The following LMBRD1 variants were observed in gnomAD, a reference collection of about 807,000 sequenced individuals.
The protein encoded by LMBRD1 is lysosomal cobalamin transport escort protein LMBD1.
LMBRD1 carries 64 observed loss-of-function variants against 74.8 expected under a neutral mutation model. The observed-to-expected ratio is 0.86, with a 90% confidence interval of 0.70 to 1.05. The LOEUF (loss-of-function observed/expected upper bound fraction) is 1.05. Among genes scored for constraint, LMBRD1 ranks in the 50% least tolerant of loss-of-function variants. The pLI is 0.00. For missense variants in LMBRD1, 652 were observed against 645.9 expected (o/e 1.01, Z -0.10); for synonymous variants, 204 against 216.3 (o/e 0.94, Z 0.50).
At chr6:69,735,236 G>A (rs1229191603) in intron 7 of LMBRD1, among the ~76,000 whole-genome samples, 1 of 152,134 alleles carries the variant, frequency 6.6e-6, no homozygotes, top group Non-Finnish European at 1.5e-5. Flanking sequence ...TCCAACTGCA[G>A]GGTGCACTCA....
At chr6:69,714,453 T>C (rs866184650) in intron 8 of LMBRD1, among the ~76,000 whole-genome samples, 1 of 152,252 alleles carries the variant, frequency 6.6e-6, no homozygotes, top group South Asian at 2.1e-4. Context: ...TCATATCTCA[T>C]AGATACACTT....
intron 8 of LMBRD1, 71 bp downstream of exon 8, chr6:69,718,885 A>G (rs1292725206): frequency 2.6e-6 from 4 of 1,524,640 alleles, no homozygotes; most frequent in Non-Finnish European, 3.6e-6. Context: ...ACAATGTCTA[A>G]GTCATATCAG....
intron 3 of LMBRD1, among the ~76,000 whole-genome samples, chr6:69,774,999 G>GGAAGGAAGAA: frequency 1.7e-5 from 1 of 59,564 alleles, no homozygotes; most frequent in Non-Finnish European, 3.4e-5. Flanking sequence ...GGGAGGGAGG[G>GGAAGGAAGAA]AGGGAGGGAG....
chr6:69,792,861 C>T (rs1766116408), intron 1 of LMBRD1, among the ~76,000 whole-genome samples: 1 of 152,168 alleles, frequency 6.6e-6, no homozygotes, highest in Admixed American at 6.5e-5. Context: ...ATCAGGCAGA[C>T]AAGCTAGGAA....
At chr6:69,740,594 T>C (rs1211767758) in intron 6 of LMBRD1, among the ~76,000 whole-genome samples, 2 of 152,134 alleles carry the variant, frequency 1.3e-5, no homozygotes, top group African/African-American at 4.8e-5. Context: ...ATTTACAACA[T>C]GAGATCTTAA....
intron 3 of LMBRD1, among the ~76,000 whole-genome samples, chr6:69,770,662 A>AC (rs1489948085): frequency 6.6e-6 from 1 of 152,216 alleles, no homozygotes; most frequent in Non-Finnish European, 1.5e-5. Flanking sequence ...ATATTTGAGT[A>AC]CCTACTATGT....
At chr6:69,746,436 G>T in intron 5 of LMBRD1, 1 of 157,462 alleles carries the variant, frequency 6.4e-6, no homozygotes, top group South Asian at 2.0e-4. Context: ...GGGATACTGT[G>T]GTGTGACAGC....
In LMBRD1 at chr6:69,796,919, TG is replaced by T. The variant is rs754731939; in HGVS notation, c.-39del. On this transcript the variant is annotated 5_prime_UTR_variant, in exon 1 of 16. Transcript: ENST00000649934. ...TCCAGACCAACCTGAGCGCCCGGGG[TG>T]GGGAAAGGGGAGGGGGAAAGGGGAG... 6.4e-7 allele frequency: 1 copy of T among 1,573,648 alleles called. No homozygotes were observed.
intron 14 of LMBRD1, among the ~76,000 whole-genome samples, chr6:69,678,512 T>C (rs1481663878): frequency 1.3e-5 from 2 of 152,154 alleles, no homozygotes; most frequent in Non-Finnish European, 2.9e-5. Context: ...TAATTGAGTG[T>C]AAAATTATAT....
chr6:69,777,797 G>A (rs183900531), intron 3 of LMBRD1, among the ~76,000 whole-genome samples: 1 of 152,312 alleles, frequency 6.6e-6, no homozygotes, highest in East Asian at 1.9e-4. Context: ...TATATTAAGA[G>A]GGATAGGAAG....
intron 14 of LMBRD1, among the ~76,000 whole-genome samples, chr6:69,690,491 A>G (rs768859188): frequency 1.3e-5 from 2 of 152,214 alleles, no homozygotes; most frequent in South Asian, 2.1e-4. Context: ...GTAAGATTCC[A>G]TATGAAATAT....
intron 13 of LMBRD1, among the ~76,000 whole-genome samples, chr6:69,698,046 G>A (rs913559726): frequency 3.9e-5 from 6 of 151,956 alleles, no homozygotes; most frequent in African/African-American, 1.4e-4. Context: ...TAGGTGAAGG[G>A]GATGAGGCAA....
chr6:69,693,689 G>C (rs1245542628), intron 14 of LMBRD1, among the ~76,000 whole-genome samples: 1 of 151,860 alleles, frequency 6.6e-6, no homozygotes, highest in Admixed American at 6.6e-5. Context: ...ATGTTGTAAA[G>C]AATAGTGTAT....
intron 3 of LMBRD1, among the ~76,000 whole-genome samples, chr6:69,760,324 C>T (rs984599563): frequency 6.6e-6 from 1 of 152,114 alleles, no homozygotes; most frequent in African/African-American, 2.4e-5. Context: ...TGAAAGCAAG[C>T]AAGCCATTTC....
Position 69,675,846 on chromosome 6 carries a change from A to G in LMBRD1, c.*312T>C, listed in dbSNP as rs1313138262. 6 of 302,840 alleles carry G rather than the reference A, an allele frequency of 2.0e-5. No individual in the cohort carries two copies. Among genetic ancestry groups the G allele is most frequent in the Non-Finnish European group, 1.3e-5 (2 of 159,794 alleles). 18.8% of individuals were successfully genotyped at this position (302,840 alleles called of 1,614,324 possible). A position where few individuals can be genotyped will look rare whatever the true frequency, so the allele number is the denominator to read the frequency against. ...ATTTATTATGTTTTCAAAAAGTGACAAAAGGGAATATTAATTCTGGAAGAT... is the reference window on the plus strand; with the variant it reads ...ATTTATTATGTTTTCAAAAAGTGACGAAAGGGAATATTAATTCTGGAAGAT... On this transcript the variant is annotated 3_prime_UTR_variant, in exon 16 of 16. Transcript: ENST00000649934.
Position 69,752,286 on chromosome 6 carries a change from C to T in LMBRD1, c.378G>A (p.Lys126=). 1 of 1,610,476 alleles carries T rather than the reference C, an allele frequency of 6.2e-7. No individual in the cohort carries two copies. Among genetic ancestry groups the T allele is most frequent in the South Asian group, 1.1e-5 (1 of 90,988 alleles). The change falls in exon 4 of 16, where the codon AAG becomes AAA. Residue 126 remains lysine (K), a synonymous_variant. Coordinates refer to ENST00000649934, the MANE Select transcript of LMBRD1 (RefSeq NM_018368.4). ...IPFVYFYYEE[K]DDDDTSKCTQ... The stretch of plus-strand genomic sequence containing the variant: ...TACATTTACTAGTATCATCATCATC[C>T]TTTTCTTCATAATAGAAGTAGACAA...
chr6:69,784,952 G>A (rs1040168022), intron 2 of LMBRD1, among the ~76,000 whole-genome samples: 4 of 152,164 alleles, frequency 2.6e-5, no homozygotes, highest in South Asian at 2.1e-4. Flanking sequence ...TCTCACTTTC[G>A]TAGAGAACAA....
chr6:69,721,372 T>C (rs1018260041), intron 7 of LMBRD1, among the ~76,000 whole-genome samples: 4 of 152,124 alleles, frequency 2.6e-5, no homozygotes, highest in Non-Finnish European at 4.4e-5. Context: ...AAGAGAACTT[T>C]GTTTTGCGTC....
At chr6:69,786,800 T>A (rs576296760) in intron 2 of LMBRD1, among the ~76,000 whole-genome samples, 1 of 152,306 alleles carries the variant, frequency 6.6e-6, no homozygotes, top group African/African-American at 2.4e-5. Flanking sequence ...AATGACTGCC[T>A]GCTCACAGAA....
Sources: gnomAD v4.1 joint callset for allele counts (sites outside exome capture counted in the v4.1 genomes callset) on GRCh38, gnomAD v4.1.1 for gene constraint, MANE v1.5 for transcripts, NCBI Gene and HGNC (gene_info 2026-07-23, HGNC 2026-07-21) for gene names.